Variants in GPR158 observed in about 807,000 individuals in gnomAD.
GPR158 encodes the protein metabotropic glycine receptor.
In GPR158, 30 loss-of-function variants were observed where a neutral mutation model predicts 78.2. That is an observed-to-expected ratio of 0.38 (90% CI 0.29 to 0.52). The LOEUF (loss-of-function observed/expected upper bound fraction) is 0.52. GPR158 is among the 20% of genes least tolerant of loss of function. GPR158 has a pLI of 0.83. For synonymous variants in GPR158, 581 were observed against 591.1 expected, an observed-to-expected ratio of 0.98 and a Z score of 0.25; for missense variants, 1,463 against 1,523.5, an observed-to-expected ratio of 0.96 and a Z score of 0.66.
chr10:25,392,374 C>T (rs906911092), intron 2 of GPR158, among the ~76,000 whole-genome samples: 4 of 152,190 alleles, frequency 2.6e-5, no homozygotes, highest in African/African-American at 9.6e-5. Context: ...GGGATCCAGG[C>T]TGGTAGCAGG....
chr10:25,466,402 A>G (rs140583519), intron 4 of GPR158: 19 of 380,290 alleles, frequency 5.0e-5, no homozygotes, highest in East Asian at 4.5e-4. Context: ...CTTTTTAATG[A>G]TACAAATTTT....
At chr10:25,305,765 G>T (rs1298669885) in intron 2 of GPR158, among the ~76,000 whole-genome samples, 1 of 152,112 alleles carries the variant, frequency 6.6e-6, no homozygotes, top group African/African-American at 2.4e-5. Flanking sequence ...TGACATCATG[G>T]GATTAAATCA....
At chr10:25,269,386 G>A (rs1189090865) in intron 2 of GPR158, among the ~76,000 whole-genome samples, 1 of 152,108 alleles carries the variant, frequency 6.6e-6, no homozygotes, top group Non-Finnish European at 1.5e-5. Context: ...GAAACAGAAT[G>A]GTAAAATGAA....
At chr10:25,233,657 G>C (rs113481885) in intron 2 of GPR158, among the ~76,000 whole-genome samples, 2,517 of 152,294 alleles carry the variant, frequency 0.017, 64 homozygotes, top group African/African-American at 0.058. Context: ...TCAAAGTGTG[G>C]TCCTGGGACC....
intron 2 of GPR158, among the ~76,000 whole-genome samples, chr10:25,354,708 C>T (rs58427974): frequency 0.1 from 15,177 of 152,024 alleles, 1,858 homozygotes; most frequent in African/African-American, 0.3. Flanking sequence ...TTCTTTCAGA[C>T]TGAAGAGCTC....
chr10:25,545,196 T>A (rs7476924), intron 5 of GPR158, among the ~76,000 whole-genome samples: 85,706 of 152,074 alleles, frequency 0.56, 25,970 homozygotes, highest in African/African-American at 0.79. Context: ...TAGTAGAATG[T>A]TTTATAATCC....
At chr10:25,565,629 G>A (rs746553175) in intron 6 of GPR158, among the ~76,000 whole-genome samples, 3 of 152,152 alleles carry the variant, frequency 2.0e-5, no homozygotes, top group Admixed American at 2.0e-4. Flanking sequence ...GTTTTGAGAT[G>A]ATTTTGCTAC....
intron 2 of GPR158, among the ~76,000 whole-genome samples, chr10:25,299,479 GA>G (rs1588783895): frequency 6.6e-6 from 1 of 152,116 alleles, no homozygotes. Context: ...ACATATAAGT[GA>G]AATCATACGA....
At chr10:25,187,617 T>C (rs1428220491) in intron 1 of GPR158, among the ~76,000 whole-genome samples, 9 of 152,204 alleles carry the variant, frequency 5.9e-5, no homozygotes, top group Non-Finnish European at 1.0e-4. Flanking sequence ...AAACTAGGTA[T>C]TGATGGGATG....
intron 2 of GPR158, among the ~76,000 whole-genome samples, chr10:25,385,966 T>A (rs1039384520): frequency 6.6e-6 from 1 of 152,168 alleles, no homozygotes; most frequent in East Asian, 1.9e-4. Flanking sequence ...TTAAATTTGA[T>A]GTAGTCCCAT....
At chr10:25,213,373 C>G (rs1853161506) in intron 1 of GPR158, among the ~76,000 whole-genome samples, 2 of 151,978 alleles carry the variant, frequency 1.3e-5, no homozygotes, top group African/African-American at 4.8e-5. Flanking sequence ...TGTAAAATGC[C>G]TCTTTAGTTT....
chr10:25,195,848 T>A (rs986688272), intron 1 of GPR158, among the ~76,000 whole-genome samples: 1 of 152,198 alleles, frequency 6.6e-6, no homozygotes, highest in Non-Finnish European at 1.5e-5. Context: ...GAAGTATAGG[T>A]TCAAAGTCAT....
At chr10:25,363,612 T>C (rs773660334) in intron 2 of GPR158, among the ~76,000 whole-genome samples, 1 of 151,998 alleles carries the variant, frequency 6.6e-6, no homozygotes, top group Non-Finnish European at 1.5e-5. Context: ...TAATGAGATG[T>C]GATCTGATTA....
At position 25,175,966 on chromosome 10, in the gene GPR158, G is replaced by A. The variant is rs142065649; in HGVS notation, c.546G>A (p.Ser182=). Reference sequence around the variant, plus strand: ...CGGCCATCACCTTCAGCACCGATTCGCTGTCCGCACCGGCCCCACAGGTCT... The same window carrying A: ...CGGCCATCACCTTCAGCACCGATTCACTGTCCGCACCGGCCCCACAGGTCT... The part of the protein sequence containing the change: ...SRAAITFSTD[S]LSAPAPQVFL... The change falls in exon 1 of 11, where the codon TCG becomes TCA. Residue 182 remains serine (S), a synonymous_variant. Transcript: ENST00000376351. This position sits in a 1 kb window ranked among gnomAD's most constrained non-coding sequence, Gnocchi z 6.4. The A allele has an allele frequency of 6.8e-5, 109 of 1,613,142 alleles. No individual in the cohort carries two copies. The highest frequency in any genetic ancestry group is 8.6e-5 in the Non-Finnish European group (102 of 1,179,956).
chr10:25,445,585 T>G (rs150867099), intron 4 of GPR158, among the ~76,000 whole-genome samples: 226 of 152,292 alleles, frequency 1.5e-3, no homozygotes, highest in African/African-American at 5.3e-3. Flanking sequence ...ACTGGAAATA[T>G]GAAGATTAAT....
chr10:25,368,284 AT>A (rs542628428), intron 2 of GPR158, among the ~76,000 whole-genome samples: 40 of 151,008 alleles, frequency 2.6e-4, no homozygotes, highest in African/African-American at 9.4e-4. Context: ...GTAAGACAGT[AT>A]TTTTTTTTAG....
intron 2 of GPR158, among the ~76,000 whole-genome samples, chr10:25,282,670 A>G (rs1169336314): frequency 6.6e-6 from 1 of 152,156 alleles, no homozygotes; most frequent in Non-Finnish European, 1.5e-5. Flanking sequence ...AGTCCGTCTC[A>G]TAGATACGTG....
At chr10:25,449,377 A>G (rs527395783) in intron 4 of GPR158, among the ~76,000 whole-genome samples, 2 of 152,316 alleles carry the variant, frequency 1.3e-5, no homozygotes, top group Admixed American at 6.5e-5. Context: ...CTGCCTCACT[A>G]CTAAGTAAGA....
intron 5 of GPR158, among the ~76,000 whole-genome samples, chr10:25,483,949 T>C (rs1432318409): frequency 6.6e-6 from 1 of 152,214 alleles, no homozygotes; most frequent in Non-Finnish European, 1.5e-5. Flanking sequence ...ATTATACACA[T>C]GCAGCACACA....
Sources: gnomAD v4.1 joint callset for allele counts (sites outside exome capture counted in the v4.1 genomes callset) on GRCh38, gnomAD v4.1.1 for gene constraint, Gnocchi (gnomAD v3.1) non-coding constraint, MANE v1.5 for transcripts, NCBI Gene and HGNC (gene_info 2026-07-23, HGNC 2026-07-21) for gene names.